The following CACNA1B variants were observed in gnomAD, a reference collection of about 807,000 sequenced individuals.
The protein encoded by CACNA1B is voltage-dependent N-type calcium channel subunit alpha-1B.
CACNA1B carries 70 observed loss-of-function variants against 247.2 expected under a neutral mutation model. That is an observed-to-expected ratio of 0.28 (90% CI 0.23 to 0.35). The LOEUF (loss-of-function observed/expected upper bound fraction) is 0.35. Among genes scored for constraint, CACNA1B ranks in the 10% least tolerant of loss-of-function variants. The pLI is 1.00. For missense variants in CACNA1B, 2,367 were observed against 3,197.4 expected (o/e 0.74, Z 6.26); for synonymous variants, 1,231 against 1,294.4 (o/e 0.95, Z 1.05).
chr9:138,075,958 G>A (rs1453383046), intron 35 of CACNA1B, 48 bp downstream of exon 35: 3 of 1,253,262 alleles, frequency 2.4e-6, no homozygotes, highest in Non-Finnish European at 2.3e-6. Context: ...TCCGTCGGGG[G>A]CTGCTTTACT....
chr9:138,073,666 C>T lies in CACNA1B; in HGVS notation c.4791+62C>T, dbSNP rs1473409349. ...CTTCCTCCGTCTTGCTTCCCCTGCC[C>T]CCACCACAGTGGCCCCTCCTTTGGG... On this transcript the variant is annotated intron_variant, in intron 33 of 46. Transcript: ENST00000371372. The surrounding 1 kb of genome is among the most constrained non-coding windows in gnomAD (Gnocchi z 6.4). 7 of 972,734 alleles carry T rather than the reference C, an allele frequency of 7.2e-6. No homozygotes were observed. Among genetic ancestry groups the T allele is most frequent in the Non-Finnish European group, 1.2e-5 (7 of 599,102 alleles). 60.3% of individuals were successfully genotyped at this position (972,734 alleles called of 1,614,324 possible).
intron 12 of CACNA1B, among the ~76,000 whole-genome samples, chr9:137,978,580 C>G (rs1175548732): frequency 6.6e-6 from 1 of 152,186 alleles, no homozygotes; most frequent in East Asian, 1.9e-4. Context: ...GGGTTTGGAG[C>G]TCGGCAGAGT....
intron 22 of CACNA1B, 127 bp downstream of exon 22, chr9:138,047,160 G>A (rs1959192353): frequency 1.1e-6 from 1 of 924,192 alleles, no homozygotes; most frequent in South Asian, 1.7e-5. Flanking sequence ...TCCTTCCTCT[G>A]TCTGTGTGCC....
At chr9:137,948,829 G>A (rs1957830627) in intron 6 of CACNA1B, among the ~76,000 whole-genome samples, 1 of 147,626 alleles carries the variant, frequency 6.8e-6, no homozygotes, top group South Asian at 2.2e-4. Flanking sequence ...TGTGGTGTGT[G>A]CACTTGTGTC....
At chr9:137,929,130 CTG>C (rs1490745608) in intron 6 of CACNA1B, among the ~76,000 whole-genome samples, 1 of 152,194 alleles carries the variant, frequency 6.6e-6, no homozygotes, top group East Asian at 1.9e-4. Context: ...TCATAGAACT[CTG>C]TGTTTAACCA....
rs7849670 is a variant in CACNA1B, at chr9:138,046,150, G to C, written c.3414-754G>C. Among the ~76,000 whole-genome samples, 300 of 152,320 alleles carry C rather than the reference G, an allele frequency of 2.0e-3. 3 individuals are homozygous for C. The highest frequency in any genetic ancestry group is 6.9e-3 in the African/African-American group (288 of 41,580). The stretch of plus-strand genomic sequence containing the variant: ...TTGTTGATTTCCTCGCTGCTTCCTG[G>C]TGTTTTGACTGCTGAATGGAGCTTC... On this transcript the variant is annotated intron_variant, in intron 21 of 46. Transcript: ENST00000371372.
chr9:138,046,545 G>A (rs1589092830), intron 21 of CACNA1B, among the ~76,000 whole-genome samples: 1 of 152,364 alleles, frequency 6.6e-6, no homozygotes, highest in South Asian at 2.1e-4. Context: ...GCTTTGGACT[G>A]CTGTTGGCTG....
chr9:138,110,324 A>C (rs1961578737), intron 39 of CACNA1B, among the ~76,000 whole-genome samples: 2 of 152,040 alleles, frequency 1.3e-5, no homozygotes, highest in Admixed American at 6.6e-5. Context: ...CATGTTGGCC[A>C]GGCTGGTCTT....
At chr9:138,062,298 A>G (rs940485747) in intron 31 of CACNA1B, among the ~76,000 whole-genome samples, 17 of 152,274 alleles carry the variant, frequency 1.1e-4, no homozygotes, top group Admixed American at 5.9e-4. Context: ...TGAGGCCTGC[A>G]CCAGTATACC....
At chr9:138,108,145 C>G (rs1366313396) in intron 39 of CACNA1B, among the ~76,000 whole-genome samples, 1 of 151,162 alleles carries the variant, frequency 6.6e-6, no homozygotes, top group Non-Finnish European at 1.5e-5. Flanking sequence ...GAGACCAGTC[C>G]GGGCAACACA....
chr9:138,111,457 C>A (rs1468518027), intron 39 of CACNA1B, among the ~76,000 whole-genome samples: 1 of 152,142 alleles, frequency 6.6e-6, no homozygotes, highest in East Asian at 1.9e-4. Context: ...CTATAGGGAC[C>A]CAAAACACAT....
intron 3 of CACNA1B, among the ~76,000 whole-genome samples, chr9:137,905,902 C>G (rs1308548845): frequency 6.6e-6 from 1 of 152,246 alleles, no homozygotes; most frequent in East Asian, 1.9e-4. Context: ...CACCTCGGAC[C>G]TGCCCTTGTG....
At chr9:137,953,087 C>T (rs748873714) in intron 7 of CACNA1B, among the ~76,000 whole-genome samples, 1 of 152,100 alleles carries the variant, frequency 6.6e-6, no homozygotes, top group Non-Finnish European at 1.5e-5. Context: ...ATGTGGTAGG[C>T]GGGCATGGCC....
At chr9:138,074,244 C>CTT (rs374889294) in intron 34 of CACNA1B, among the ~76,000 whole-genome samples, 178 bp downstream of exon 34, 4,772 of 144,292 alleles carry the variant, frequency 0.033, 263 homozygotes, top group African/African-American at 0.11. Context: ...TTTTCTTACT[C>CTT]TTTTTTTTTT....
At chr9:138,009,334 A>G (rs1822776283) in intron 16 of CACNA1B, among the ~76,000 whole-genome samples, 1 of 152,238 alleles carries the variant, frequency 6.6e-6, no homozygotes, top group South Asian at 2.1e-4. Context: ...TGCCGTCTCC[A>G]CGGCCTGACG....
chr9:138,032,792 G>T, intron 20 of CACNA1B: 1 of 401,240 alleles, frequency 2.5e-6, no homozygotes, highest in South Asian at 1.8e-5. Context: ...TTTATCTCTT[G>T]CTGCTTTCAA....
intron 12 of CACNA1B, among the ~76,000 whole-genome samples, chr9:137,979,380 G>A (rs925060862): frequency 6.6e-6 from 1 of 152,140 alleles, no homozygotes; most frequent in Non-Finnish European, 1.5e-5. Context: ...CTGCCGGAGT[G>A]TCCTCAGCTG....
intron 35 of CACNA1B, among the ~76,000 whole-genome samples, chr9:138,076,202 C>G (rs540211621): frequency 6.6e-6 from 1 of 152,170 alleles, no homozygotes; most frequent in African/African-American, 2.4e-5. Context: ...TGCTCCCTGG[C>G]GACAGCTTGG....
Position 138,118,112 on chromosome 9 carries a change from G to T in CACNA1B, c.5913+31G>T, listed in dbSNP as rs201924600. 4.1e-6 allele frequency: 6 copies of T among 1,470,656 alleles called. No individual in the cohort carries two copies. The South Asian group carries it at 6.7e-5, about 16-fold the overall frequency. The allele number at this position is 1,470,656 out of a possible 1,614,324, so 91.1% of individuals were successfully genotyped here. On this transcript the variant is annotated intron_variant, in intron 43 of 46. Transcript: ENST00000371372. ...CACTCCCGGGGGCTAGTGAGACTGGGTTGGGGGATGTGTGAACAGGGATGG... is the reference window on the plus strand; with the variant it reads ...CACTCCCGGGGGCTAGTGAGACTGGTTTGGGGGATGTGTGAACAGGGATGG...
Sources: gnomAD v4.1 joint callset for allele counts (sites outside exome capture counted in the v4.1 genomes callset) on GRCh38, gnomAD v4.1.1 for gene constraint, Gnocchi (gnomAD v3.1) non-coding constraint, MANE v1.5 for transcripts, NCBI Gene and HGNC (gene_info 2026-07-23, HGNC 2026-07-21) for gene names.